The following RAPGEF6 variants were observed in gnomAD, a reference collection of about 807,000 sequenced individuals.
The protein encoded by RAPGEF6 is PDZ domain containing guanine nucleotide exchange factor (GEF) 2.
RAPGEF6 carries 56 observed loss-of-function variants against 171.4 expected under a neutral mutation model. That is an observed-to-expected ratio of 0.33 (90% CI 0.26 to 0.41). The LOEUF (loss-of-function observed/expected upper bound fraction) is 0.41. RAPGEF6 is among the 10% of genes least tolerant of loss of function. The pLI, the probability that RAPGEF6 is intolerant of heterozygous loss-of-function variation, is 1.00. For synonymous variants in RAPGEF6, 692 were observed against 650.1 expected (o/e 1.06, Z -0.98); for missense variants, 1,674 against 1,921.4 (o/e 0.87, Z 2.41).
chr5:131,449,146 A>C (rs1222108390), intron 21 of RAPGEF6, among the ~76,000 whole-genome samples: 1 of 152,208 alleles, frequency 6.6e-6, no homozygotes, highest in African/African-American at 2.4e-5. Flanking sequence ...CTTCATCCAC[A>C]AAAGTCATCT....
chr5:131,572,831 C>G (rs1004479733), intron 4 of RAPGEF6, among the ~76,000 whole-genome samples: 9 of 152,196 alleles, frequency 5.9e-5, no homozygotes, highest in Admixed American at 5.9e-4. Context: ...GTCTTATTTT[C>G]TTCTGTAATA....
chr5:131,586,344 A>T (rs1580627882), intron 4 of RAPGEF6, among the ~76,000 whole-genome samples: 1 of 152,368 alleles, frequency 6.6e-6, no homozygotes, highest in East Asian at 1.9e-4. Context: ...AGACCTGAGA[A>T]GTCACTTTAC....
intron 7 of RAPGEF6, among the ~76,000 whole-genome samples, chr5:131,518,996 T>C (rs928377111): frequency 1.3e-5 from 2 of 152,120 alleles, no homozygotes; most frequent in Non-Finnish European, 2.9e-5. Flanking sequence ...AGAAAAGAGA[T>C]TGGTGGTTGC....
Position 131,479,706 on chromosome 5 carries a change from G to T in RAPGEF6, c.1888C>A (p.Pro630Thr), listed in dbSNP as rs147296909. 1.9e-6 allele frequency: 3 copies of T among 1,613,616 alleles called. No individual in the cohort carries two copies. In the African/African-American group the frequency reaches 4.0e-5, roughly 22 times the overall value. ...TTTTCAGCAATTTTGGGAATATGAG[G>T]AACACCAGATTTCTCTTGTTCAGTC... is the stretch of plus-strand genomic sequence containing the variant. Reference protein sequence around the residue: ...FRTEQEKSGVPHIPKIAEKKS... With the variant: ...FRTEQEKSGVTHIPKIAEKKS... The change falls in exon 16 of 28, where the codon CCT becomes ACT. Residue 630 changes from proline to threonine, a missense_variant. Pro to Thr is a conservative substitution (Grantham distance 38, BLOSUM62 -1). Coordinates refer to ENST00000509018, the MANE Select transcript of RAPGEF6 (RefSeq NM_016340.6).
At chr5:131,613,624 T>G (rs1765080640) in intron 1 of RAPGEF6, among the ~76,000 whole-genome samples, 2 of 152,136 alleles carry the variant, frequency 1.3e-5, no homozygotes, top group Non-Finnish European at 2.9e-5. Flanking sequence ...TGGGTGTGAC[T>G]GTTCCAATAA....
chr5:131,452,709 G>A (rs1753184177), intron 21 of RAPGEF6, among the ~76,000 whole-genome samples: 1 of 149,772 alleles, frequency 6.7e-6, no homozygotes, highest in Non-Finnish European at 1.5e-5. Flanking sequence ...CTTGTGATCC[G>A]CCTGCCTCGG....
intron 1 of RAPGEF6, among the ~76,000 whole-genome samples, chr5:131,616,273 TCTTA>T (rs1039088802): frequency 6.6e-6 from 1 of 152,182 alleles, no homozygotes; most frequent in Admixed American, 6.5e-5. Context: ...TTTAAACAAT[TCTTA>T]CTTACAGCAT....
intron 21 of RAPGEF6, 179 bp from the exon 22 acceptor site, chr5:131,446,882 C>A: frequency 3.3e-6 from 2 of 605,738 alleles, no homozygotes; most frequent in Non-Finnish European, 5.6e-6. Context: ...GAATTAAGAA[C>A]AGGATTTGGC....
intron 26 of RAPGEF6, 123 bp from the exon 27 acceptor site, chr5:131,429,339 G>A: frequency 1.2e-6 from 1 of 830,800 alleles, no homozygotes; most frequent in Non-Finnish European, 1.8e-6. Context: ...GAATAAACTT[G>A]AATGATGGCA....
At position 131,449,685 on chromosome 5, in the gene RAPGEF6, T is replaced by C. The variant is rs1752936982; in HGVS notation, c.3201-2982A>G. On this transcript the variant is annotated intron_variant, in intron 21 of 27. Coordinates refer to ENST00000509018, the MANE Select transcript of RAPGEF6 (RefSeq NM_016340.6). ...AAGTATCTCCTTTATAGGGTAGTAG[T>C]AGAATTAAGTAAGATAATTCGTTTA... 2.0e-5 allele frequency among the ~76,000 whole-genome samples: 3 copies of C among 152,308 alleles called. No homozygotes were observed. In the South Asian group the frequency reaches 6.2e-4, roughly 32 times the overall value.
At chr5:131,524,564 A>T (rs1244807659) in intron 6 of RAPGEF6, among the ~76,000 whole-genome samples, 1 of 146,634 alleles carries the variant, frequency 6.8e-6, no homozygotes, top group Non-Finnish European at 1.5e-5. Flanking sequence ...GGAGAGGGAG[A>T]GGGAGAGGAG....
intron 7 of RAPGEF6, among the ~76,000 whole-genome samples, chr5:131,519,867 G>C (rs1214070915): frequency 6.6e-6 from 1 of 152,110 alleles, no homozygotes; most frequent in East Asian, 1.9e-4. Flanking sequence ...TAATTCTTTT[G>C]GGGAGGGGCA....
chr5:131,584,527 G>A (rs1041096011), intron 4 of RAPGEF6, among the ~76,000 whole-genome samples: 24 of 152,192 alleles, frequency 1.6e-4, no homozygotes, highest in Middle Eastern at 3.2e-3. Context: ...AGGATGAGGA[G>A]CTGAATTCTG....
At chr5:131,632,164 A>C (rs1048005104) in intron 1 of RAPGEF6, among the ~76,000 whole-genome samples, 1 of 151,928 alleles carries the variant, frequency 6.6e-6, no homozygotes, top group South Asian at 2.1e-4. Flanking sequence ...TGAAAAGTCA[A>C]ATAGGATGTG....
At chr5:131,572,902 G>A (rs1362693583) in intron 4 of RAPGEF6, among the ~76,000 whole-genome samples, 2 of 152,090 alleles carry the variant, frequency 1.3e-5, no homozygotes, top group Admixed American at 6.5e-5. Context: ...TGGCACTTTC[G>A]ATTTGTCTTC....
intron 21 of RAPGEF6, among the ~76,000 whole-genome samples, chr5:131,449,506 A>G (rs1752923837): frequency 6.6e-6 from 1 of 152,160 alleles, no homozygotes. Flanking sequence ...TCATTTTTAT[A>G]TATTTATATG....
chr5:131,445,488 ACTCT>A (rs796983541), intron 22 of RAPGEF6, among the ~76,000 whole-genome samples: 20 of 86,074 alleles, frequency 2.3e-4, no homozygotes, highest in Middle Eastern at 5.1e-3. Context: ...AATTTAACTC[ACTCT>A]CTGTGTGTGT....
At chr5:131,609,860 T>C (rs1330952677) in intron 1 of RAPGEF6, among the ~76,000 whole-genome samples, 1 of 152,142 alleles carries the variant, frequency 6.6e-6, no homozygotes, top group African/African-American at 2.4e-5. Flanking sequence ...TCCAGGGGCT[T>C]CCAGAATGCC....
At chr5:131,519,552 C>T (rs1361643261) in intron 7 of RAPGEF6, among the ~76,000 whole-genome samples, 1 of 152,156 alleles carries the variant, frequency 6.6e-6, no homozygotes, top group Non-Finnish European at 1.5e-5. Context: ...CAGATGTGTG[C>T]CACCACGCCC....
Sources: gnomAD v4.1 joint callset for allele counts (sites outside exome capture counted in the v4.1 genomes callset) on GRCh38, gnomAD v4.1.1 for gene constraint, MANE v1.5 for transcripts, NCBI Gene and HGNC (gene_info 2026-07-23, HGNC 2026-07-21) for gene names.